PLEKHM3: variants seen among roughly 807,000 people sequenced by gnomAD.
PLEKHM3 encodes pleckstrin homology domain containing M3, also known as pleckstrin homology domain-containing family M member 3.
Under a neutral mutation model 81.8 loss-of-function variants are expected in PLEKHM3, and 45 were observed. The observed-to-expected ratio is 0.55, with a 90% CI of 0.43 to 0.71. PLEKHM3 has a LOEUF of 0.71. PLEKHM3 is among the 30% of genes least tolerant of loss of function. The pLI is 0.00. For synonymous variants in PLEKHM3, 352 were observed against 356.4 expected (o/e 0.99, Z 0.14); for missense variants, 788 against 924.3 (o/e 0.85, Z 1.91).
At chr2:207,871,289 T>C (rs1315373945) in intron 6 of PLEKHM3, among the ~76,000 whole-genome samples, 3 of 152,128 alleles carry the variant, frequency 2.0e-5, no homozygotes, top group Non-Finnish European at 4.4e-5. Flanking sequence ...CCCTCCCCAA[T>C]CCATTATGGG....
At chr2:207,846,241 T>C (rs1422858134) in intron 7 of PLEKHM3, among the ~76,000 whole-genome samples, 1 of 152,040 alleles carries the variant, frequency 6.6e-6, no homozygotes, top group East Asian at 1.9e-4. Flanking sequence ...CTCCTGGGTT[T>C]AAGCAGTTCT....
At chr2:208,022,227 G>A (rs1431208950) in intron 1 of PLEKHM3, among the ~76,000 whole-genome samples, 1 of 152,184 alleles carries the variant, frequency 6.6e-6, no homozygotes, top group Non-Finnish European at 1.5e-5. Context: ...GTTAATTTGA[G>A]ATTTGGAAAA....
At chr2:207,938,329 A>T (rs1689825778) in intron 4 of PLEKHM3, among the ~76,000 whole-genome samples, 1 of 152,222 alleles carries the variant, frequency 6.6e-6, no homozygotes, top group South Asian at 2.1e-4. Flanking sequence ...TAACACCAGA[A>T]AATAGACGAA....
At chr2:207,920,138 T>A (rs1689132370) in intron 5 of PLEKHM3, among the ~76,000 whole-genome samples, 1 of 152,176 alleles carries the variant, frequency 6.6e-6, no homozygotes. Flanking sequence ...AAGAGATGGC[T>A]TAGAAGGTAG....
At chr2:207,901,685 C>T (rs1688431054) in intron 6 of PLEKHM3, among the ~76,000 whole-genome samples, 1 of 152,196 alleles carries the variant, frequency 6.6e-6, no homozygotes, top group Admixed American at 6.5e-5. Context: ...TCAATCCCTT[C>T]CTCCTCCCCA....
intron 3 of PLEKHM3, among the ~76,000 whole-genome samples, chr2:207,959,076 CATTA>C (rs1690637318): frequency 6.6e-6 from 1 of 152,138 alleles, no homozygotes; most frequent in Admixed American, 6.5e-5. Context: ...GGACTTTTTA[CATTA>C]ATTTTGATTT....
chr2:207,953,058 G>A (rs1690379484), intron 3 of PLEKHM3, among the ~76,000 whole-genome samples: 1 of 152,140 alleles, frequency 6.6e-6, no homozygotes, highest in South Asian at 2.1e-4. Context: ...ACGTTCTGTC[G>A]GTTACAAAGC....
chr2:207,856,398 C>T (rs2105804044), intron 7 of PLEKHM3, among the ~76,000 whole-genome samples: 1 of 152,274 alleles, frequency 6.6e-6, no homozygotes, highest in East Asian at 1.9e-4. Context: ...TGTATAATGT[C>T]ATGTATACAC....
At chr2:207,904,986 C>T (rs1185696131) in intron 6 of PLEKHM3, among the ~76,000 whole-genome samples, 1 of 152,098 alleles carries the variant, frequency 6.6e-6, no homozygotes, top group East Asian at 1.9e-4. Flanking sequence ...TATAAATCTC[C>T]TTTCACCATG....
intron 6 of PLEKHM3, among the ~76,000 whole-genome samples, chr2:207,873,929 A>C (rs2092547257): frequency 6.6e-6 from 1 of 152,228 alleles, no homozygotes; most frequent in African/African-American, 2.4e-5. Context: ...CTGATGAGGA[A>C]AAACAAGCCC....
At chr2:208,024,809 A>G (rs1693269509) in intron 1 of PLEKHM3, among the ~76,000 whole-genome samples, 1 of 152,246 alleles carries the variant, frequency 6.6e-6, no homozygotes. Context: ...CTTGCTTTGC[A>G]AGGTATACAT....
intron 4 of PLEKHM3, among the ~76,000 whole-genome samples, chr2:207,942,562 C>G (rs1018357158): frequency 6.6e-6 from 1 of 152,200 alleles, no homozygotes; most frequent in East Asian, 1.9e-4. Flanking sequence ...TCAAATGCAG[C>G]AAATTCTGTC....
chr2:207,874,065 C>T (rs899910703), intron 6 of PLEKHM3, among the ~76,000 whole-genome samples: 2 of 152,164 alleles, frequency 1.3e-5, no homozygotes, highest in Admixed American at 1.3e-4. Flanking sequence ...GTAGTGATTA[C>T]AATTTCACAT....
At chr2:207,929,036 C>T (rs1689498996) in intron 5 of PLEKHM3, among the ~76,000 whole-genome samples, 1 of 152,212 alleles carries the variant, frequency 6.6e-6, no homozygotes, top group African/African-American at 2.4e-5. Flanking sequence ...TGAAGTGACA[C>T]TTAATATACA....
chr2:207,841,134 G>A (rs1488843459), intron 7 of PLEKHM3, among the ~76,000 whole-genome samples: 1 of 151,594 alleles, frequency 6.6e-6, no homozygotes, highest in Non-Finnish European at 1.5e-5. Context: ...AAAGCATTTT[G>A]CTTCCATGGC....
At chr2:208,024,086 T>C (rs1693222316) in intron 1 of PLEKHM3, among the ~76,000 whole-genome samples, 1 of 151,226 alleles carries the variant, frequency 6.6e-6, no homozygotes, top group Non-Finnish European at 1.5e-5. Context: ...GAGACTGCAG[T>C]GAGCCATGAT....
intron 6 of PLEKHM3, among the ~76,000 whole-genome samples, chr2:207,905,423 G>A (rs1688570447): frequency 6.6e-6 from 1 of 152,180 alleles, no homozygotes; most frequent in South Asian, 2.1e-4. Context: ...AGTTAGGTAG[G>A]GTTTCCCGAT....
intron 5 of PLEKHM3, among the ~76,000 whole-genome samples, chr2:207,909,688 G>A (rs1215569825): frequency 6.6e-6 from 1 of 152,174 alleles, no homozygotes; most frequent in Non-Finnish European, 1.5e-5. Context: ...CACTTGGAGA[G>A]CTTTTAGAAA....
intron 7 of PLEKHM3, among the ~76,000 whole-genome samples, chr2:207,832,068 G>A (rs1047469365): frequency 6.6e-5 from 10 of 152,146 alleles, no homozygotes; most frequent in South Asian, 6.2e-4. Flanking sequence ...GGGTCTTATC[G>A]GATATTTCTG....
Sources: allele counts gnomAD v4.1 joint callset (sites outside exome capture counted in the v4.1 genomes callset), GRCh38; gene constraint gnomAD v4.1.1; transcripts MANE v1.5; gene names NCBI Gene and HGNC (gene_info 2026-07-23, HGNC 2026-07-21).